MAP3K1: variants seen among roughly 807,000 people sequenced by gnomAD.
The protein encoded by MAP3K1 is mitogen-activated protein kinase kinase kinase 1.
Under a neutral mutation model 144.2 loss-of-function variants are expected in MAP3K1, and 36 were observed. That is an observed-to-expected ratio of 0.25 (90% CI 0.19 to 0.33). The LOEUF (loss-of-function observed/expected upper bound fraction) is 0.33. Among genes scored for constraint, MAP3K1 ranks in the 10% least tolerant of loss-of-function variants. The pLI, the probability that MAP3K1 is intolerant of heterozygous loss-of-function variation, is 1.00. For synonymous variants in MAP3K1, 718 were observed against 688.7 expected (o/e 1.04, Z -0.67); for missense variants, 1,650 against 1,881.9 (o/e 0.88, Z 2.28).
intron 1 of MAP3K1, among the ~76,000 whole-genome samples, chr5:56,839,729 A>G (rs965372377): frequency 1.3e-5 from 2 of 152,118 alleles, no homozygotes; most frequent in African/African-American, 2.4e-5. Context: ...TGTGCACGTT[A>G]GGTTCATTGT....
chr5:56,816,810 T>A (rs1745990187), intron 1 of MAP3K1, among the ~76,000 whole-genome samples: 1 of 152,240 alleles, frequency 6.6e-6, no homozygotes, highest in Admixed American at 6.5e-5. Flanking sequence ...TGAGTGTTCC[T>A]GGGAATGCGA....
chr5:56,856,542 T>C, intron 1 of MAP3K1, 58 bp from the exon 2 acceptor site: 1 of 1,452,696 alleles, frequency 6.9e-7, no homozygotes, highest in Non-Finnish European at 9.6e-7. Context: ...TGTTTGTTCT[T>C]GGAAATTATT....
intron 1 of MAP3K1, among the ~76,000 whole-genome samples, chr5:56,828,618 G>C (rs1408859979): frequency 6.6e-6 from 1 of 152,214 alleles, no homozygotes; most frequent in Admixed American, 6.5e-5. Flanking sequence ...TAACTGCTAG[G>C]AGAATATTAT....
intron 10 of MAP3K1, 97 bp downstream of exon 10, chr5:56,875,407 T>C: frequency 7.4e-7 from 1 of 1,354,444 alleles, no homozygotes; most frequent in South Asian, 1.3e-5. Flanking sequence ...CTACTTTACC[T>C]AATTTTGGAA....
At chr5:56,823,469 T>C (rs1746216584) in intron 1 of MAP3K1, among the ~76,000 whole-genome samples, 1 of 152,220 alleles carries the variant, frequency 6.6e-6, no homozygotes, top group Admixed American at 6.5e-5. Context: ...GTTGTGCTTT[T>C]ACATTTGTTA....
At chr5:56,831,465 TTTTTTAACCCATGATTTCTA>T (rs1186734123) in intron 1 of MAP3K1, among the ~76,000 whole-genome samples, 1 of 152,184 alleles carries the variant, frequency 6.6e-6, no homozygotes, top group Non-Finnish European at 1.5e-5. Flanking sequence ...GCCCTAATTT[TTTTTTAACCCATGATTTCTA>T]ATGTTTATCT....
chr5:56,833,149 C>T lies in MAP3K1; in HGVS notation c.482+17094C>T, dbSNP rs144765885. Among the ~76,000 whole-genome samples, 1,008 of 152,308 alleles carry T rather than the reference C, an allele frequency of 6.6e-3. 5 individuals are homozygous for T. The highest frequency in any genetic ancestry group is 0.023 in the African/African-American group (953 of 41,564). ...CCTCCCAAAGTGCTGGGATTACAGG[C>T]GTGAGCCACCATGCTCTGCCATGAT... is the stretch of plus-strand genomic sequence containing the variant. On this transcript the variant is annotated intron_variant, in intron 1 of 19. Transcript: ENST00000399503.
chr5:56,872,774 T>C (rs375403008), intron 8 of MAP3K1, 51 bp from the exon 9 acceptor site: 29 of 1,606,854 alleles, frequency 1.8e-5, no homozygotes, highest in Non-Finnish European at 2.4e-5. Flanking sequence ...AATTTCTCAG[T>C]GTGGTTTGTC....
At chr5:56,890,923 G>A (rs1438108872) in intron 19 of MAP3K1, among the ~76,000 whole-genome samples, 2 of 151,826 alleles carry the variant, frequency 1.3e-5, no homozygotes, top group African/African-American at 2.4e-5. Flanking sequence ...AGACGCACCT[G>A]TGCTCCAGGG....
chr5:56,880,895 C>T, intron 12 of MAP3K1, 93 bp downstream of exon 12: 1 of 1,162,856 alleles, frequency 8.6e-7, no homozygotes. Flanking sequence ...AGGCAGTTTA[C>T]AGGATTTTGA....
chr5:56,887,189 C>T (rs894518872), intron 17 of MAP3K1, among the ~76,000 whole-genome samples, 189 bp from the exon 18 acceptor site: 6 of 152,212 alleles, frequency 3.9e-5, no homozygotes, highest in East Asian at 1.9e-4. Flanking sequence ...ATTTAGCGTA[C>T]GCTAGAGAGA....
chr5:56,840,356 C>G (rs1480403870), intron 1 of MAP3K1, among the ~76,000 whole-genome samples: 19 of 152,154 alleles, frequency 1.2e-4, no homozygotes, highest in Non-Finnish European at 2.8e-4. Flanking sequence ...CCATGTTGGC[C>G]AGGCTGGTCT....
Position 56,882,439 on chromosome 5 carries a change from G to A in MAP3K1, c.3239G>A (p.Ser1080Asn), listed in dbSNP as rs777263714. 5 of 1,614,114 alleles carry A rather than the reference G, an allele frequency of 3.1e-6. No homozygotes were observed. Among genetic ancestry groups the A allele is most frequent in the Middle Eastern group, 1.7e-4 (1 of 6,060 alleles). The change falls in exon 14 of 20, where the codon AGC (serine) becomes AAC (asparagine). Residue 1080 changes from serine to asparagine, a missense_variant. Physicochemically the swap from Ser to Asn is conservative, Grantham distance 46. This residue lies in a region of MAP3K1 where 841 missense variants were observed against 886.5 expected (regional missense o/e 0.95). Coordinates refer to ENST00000399503, the MANE Select transcript of MAP3K1 (RefSeq NM_005921.2). ...TSKQGDPSKN[S>N]MTLDLNSSSK... ...AAACAGGGAGATCCCTCAAAAAATA[G>A]CATGACACTTGATCTGAACAGTAGT...
rs1748632807 is a variant in MAP3K1 at position 56,894,135 on chromosome 5, T to C, written c.*455T>C. On this transcript the variant is annotated 3_prime_UTR_variant, in exon 20 of 20. Transcript: ENST00000399503. ...TGGCTATAAAATCAGTATCTGCCTC[T>C]TTTAGGTCAGAGTATGCTATGAGTA... is the stretch of plus-strand genomic sequence containing the variant. The C allele has an allele frequency of 1.6e-5, 5 of 312,742 alleles. No homozygotes were observed. The South Asian group carries it at 3.0e-4, about 19-fold the overall frequency. The allele number at this position is 312,742 out of a possible 1,614,324, so 19.4% of individuals were successfully genotyped here.
At chr5:56,824,252 A>G (rs1445623915) in intron 1 of MAP3K1, among the ~76,000 whole-genome samples, 2 of 152,272 alleles carry the variant, frequency 1.3e-5, no homozygotes, top group African/African-American at 4.8e-5. Flanking sequence ...ACTAAGAAGT[A>G]AGAAAAAATA....
chr5:56,874,997 CTTTACAT>C, intron 9 of MAP3K1, 28 bp from the exon 10 acceptor site: 1 of 1,612,090 alleles, frequency 6.2e-7, no homozygotes, highest in African/African-American at 1.3e-5. Context: ...ATAAGCTTTT[CTTTACAT>C]TGAATTCATC....
intron 1 of MAP3K1, among the ~76,000 whole-genome samples, chr5:56,827,189 A>AGCTG (rs10683878): frequency 0.032 from 4,888 of 152,270 alleles, 245 homozygotes; most frequent in African/African-American, 0.11. Flanking sequence ...CCAGGGACCA[A>AGCTG]GCTGGGACAC....
chr5:56,883,910 A>T (rs770707450), intron 15 of MAP3K1, among the ~76,000 whole-genome samples: 13 of 152,154 alleles, frequency 8.5e-5, no homozygotes, highest in Non-Finnish European at 1.6e-4. Flanking sequence ...GCACTTTGGG[A>T]GGCCAAGGTG....
At chr5:56,887,734 T>G in intron 18 of MAP3K1, 1 of 556,556 alleles carries the variant, frequency 1.8e-6, no homozygotes, top group Non-Finnish European at 3.2e-6. Context: ...ATAGATTTAC[T>G]TAACGGCTGT....
Sources: gnomAD v4.1 joint callset for allele counts (sites outside exome capture counted in the v4.1 genomes callset) on GRCh38, gnomAD v4.1.1 for gene constraint, gnomAD v4.1.1 regional missense constraint, MANE v1.5 for transcripts, NCBI Gene and HGNC (gene_info 2026-07-23, HGNC 2026-07-21) for gene names.